Variants in JPH2 observed in about 807,000 individuals in gnomAD.
The protein encoded by JPH2 is junctophilin-2.
Under a neutral mutation model 55.9 loss-of-function variants are expected in JPH2, and 38 were observed. That is an observed-to-expected ratio of 0.68 (90% CI 0.52 to 0.89). The LOEUF (loss-of-function observed/expected upper bound fraction) is 0.89, where lower values mean the gene tolerates loss of function less well. Ranked by LOEUF, JPH2 falls within the 40% of genes least tolerant of loss-of-function variation. The pLI is 0.00. For missense variants in JPH2, 964 were observed against 1,037.6 expected, an observed-to-expected ratio of 0.93 and a Z score of 0.97; for synonymous variants, 480 against 472.4, an observed-to-expected ratio of 1.02 and a Z score of -0.21.
chr20:44,152,933 G>A (rs1051124926), intron 2 of JPH2, among the ~76,000 whole-genome samples: 2 of 152,252 alleles, frequency 1.3e-5, no homozygotes, highest in Non-Finnish European at 2.9e-5. Context: ...TCTGTTTTCA[G>A]AACTTGCTGT....
At chr20:44,162,708 C>G (rs1267072312) in intron 1 of JPH2, among the ~76,000 whole-genome samples, 2 of 141,562 alleles carry the variant, frequency 1.4e-5, no homozygotes, top group African/African-American at 5.3e-5. Flanking sequence ...TTGTGGGACC[C>G]TGTGATCGTG....
chr20:44,137,108 G>T (rs2072418266), intron 2 of JPH2, among the ~76,000 whole-genome samples: 2 of 152,188 alleles, frequency 1.3e-5, no homozygotes, highest in African/African-American at 4.8e-5. Context: ...CACATAGTAG[G>T]TACCCCATGA....
intron 1 of JPH2, among the ~76,000 whole-genome samples, chr20:44,185,227 A>T (rs1402904763): frequency 6.6e-6 from 1 of 152,320 alleles, no homozygotes; most frequent in East Asian, 1.9e-4. Context: ...GGATTGCTTG[A>T]GCCCAGGAGT....
intron 3 of JPH2, 103 bp from the exon 4 acceptor site, chr20:44,116,489 G>T: frequency 7.4e-7 from 1 of 1,354,676 alleles, no homozygotes; most frequent in Admixed American, 2.0e-5. Flanking sequence ...GGGCTCAGTC[G>T]GCACTCACAT....
chr20:44,174,469 C>A (rs1317996188), intron 1 of JPH2, among the ~76,000 whole-genome samples: 2 of 152,158 alleles, frequency 1.3e-5, no homozygotes, highest in South Asian at 2.1e-4. Flanking sequence ...GGAGGAAGCA[C>A]TTTTTAAAAA....
rs1202005011 is a variant in JPH2, at chr20:44,129,574, A to G, written c.1170-10951T>C. Among the ~76,000 whole-genome samples the G allele has an allele frequency of 2.6e-3, 245 of 92,602 alleles. 3 individuals carry two copies. Among genetic ancestry groups the G allele is most frequent in the African/African-American group, 8.0e-3 (231 of 28,880 alleles). The allele number at this position is 92,602 out of a possible 152,430, so 60.8% of individuals were successfully genotyped here. A position where few individuals can be genotyped will look rare whatever the true frequency, so the allele number is the denominator to read the frequency against. On this transcript the variant is annotated intron_variant, in intron 2 of 5. Coordinates refer to ENST00000372980, the MANE Select transcript of JPH2 (RefSeq NM_020433.5). ...TCTCAAAAAAAAAAAAAAAAACAAA[A>G]AAAACAAAACCATTGCTGCTTCCTG...
Position 44,114,565 on chromosome 20 carries a change from A to AGT in JPH2, c.*14+215_*14+216dup, listed in dbSNP as rs3037626. On this transcript the variant is annotated intron_variant, in intron 5 of 5. Transcript: ENST00000372980. ...CTGCAAACACTAAGCTAATGAAGTA[A>AGT]GTGTGTGTGTGTGTGTGTGTGTGTG... Among the ~76,000 whole-genome samples the AGT allele has an allele frequency of 0.039, 5,572 of 141,882 alleles. 123 individuals are homozygous for AGT. Among genetic ancestry groups the AGT allele is most frequent in the Middle Eastern group, 0.059 (16 of 270 alleles). The allele number at this position is 141,882 out of a possible 152,430, so 93.1% of individuals were successfully genotyped here.
intron 2 of JPH2, among the ~76,000 whole-genome samples, chr20:44,120,600 A>G (rs1416081314): frequency 6.6e-6 from 1 of 152,216 alleles, no homozygotes; most frequent in Non-Finnish European, 1.5e-5. Flanking sequence ...CCTGAAGTGC[A>G]GGAACTGGGA....
At position 44,148,939 on chromosome 20, in the gene JPH2, C is replaced by T. The variant is rs181985731; in HGVS notation, c.1169+10679G>A. The stretch of plus-strand genomic sequence containing the variant: ...ACAATTAGCTGGGTGTGGTGGTGAG[C>T]GCCCATAGTCCCAGCTACTCGGGAG... On this transcript the variant is annotated intron_variant, in intron 2 of 5. Coordinates refer to ENST00000372980, the MANE Select transcript of JPH2 (RefSeq NM_020433.5). Among the ~76,000 whole-genome samples the T allele has an allele frequency of 6.1e-4, 92 of 152,006 alleles. No homozygotes were observed. In the Middle Eastern group the frequency reaches 0.024, roughly 39 times the overall value.
intron 2 of JPH2, among the ~76,000 whole-genome samples, chr20:44,150,254 C>T (rs1309277538): frequency 6.6e-6 from 1 of 152,024 alleles, no homozygotes; most frequent in Admixed American, 6.6e-5. Context: ...CAGCTCCCAA[C>T]CTGAAAATAA....
chr20:44,180,425 G>A (rs982582471), intron 1 of JPH2, among the ~76,000 whole-genome samples: 4 of 151,702 alleles, frequency 2.6e-5, no homozygotes, highest in African/African-American at 9.7e-5. Flanking sequence ...TCGACCTCCC[G>A]GGCTCAAGCG....
chr20:44,155,541 C>T (rs780617941), intron 2 of JPH2, among the ~76,000 whole-genome samples: 1 of 152,204 alleles, frequency 6.6e-6, no homozygotes, highest in Non-Finnish European at 1.5e-5. Flanking sequence ...CCAGACCCTT[C>T]TCCCTCTTGA....
chr20:44,185,373 C>T (rs2072825944), intron 1 of JPH2, among the ~76,000 whole-genome samples: 1 of 151,798 alleles, frequency 6.6e-6, no homozygotes, highest in South Asian at 2.1e-4. Context: ...CCTGTAATCC[C>T]AGCAATTTGG....
chr20:44,135,760 C>G (rs937537908), intron 2 of JPH2, among the ~76,000 whole-genome samples: 2 of 152,126 alleles, frequency 1.3e-5, no homozygotes, highest in African/African-American at 4.8e-5. Flanking sequence ...GCTGGACGGA[C>G]CCTTAGAAAT....
intron 1 of JPH2, among the ~76,000 whole-genome samples, chr20:44,181,841 C>A (rs1215691091): frequency 6.6e-6 from 1 of 152,156 alleles, no homozygotes; most frequent in Non-Finnish European, 1.5e-5. Flanking sequence ...CCCTGTCTGT[C>A]CCTGCCTAGC....
chr20:44,180,977 C>A lies in JPH2; in HGVS notation c.379+5350G>T, dbSNP rs887139719. Reference sequence around the variant, plus strand: ...AACTCTTTCAGGGCTGGGGCATGTGCGGATGCTTTAAGTCAGCAGCTGTTT... The same window carrying A: ...AACTCTTTCAGGGCTGGGGCATGTGAGGATGCTTTAAGTCAGCAGCTGTTT... On this transcript the variant is annotated intron_variant, in intron 1 of 5. Coordinates refer to ENST00000372980, the MANE Select transcript of JPH2 (RefSeq NM_020433.5). 1.5e-4 allele frequency among the ~76,000 whole-genome samples: 23 copies of A among 151,738 alleles called. 1 individual carries two copies. In the East Asian group the frequency reaches 3.9e-3, roughly 26 times the overall value.
At chr20:44,142,812 T>C (rs1455154076) in intron 2 of JPH2, among the ~76,000 whole-genome samples, 2 of 152,202 alleles carry the variant, frequency 1.3e-5, no homozygotes, top group African/African-American at 2.4e-5. Flanking sequence ...TGTATGTATT[T>C]CAAGGCTGAA....
At chr20:44,126,026 T>C (rs1279324121) in intron 2 of JPH2, among the ~76,000 whole-genome samples, 1 of 151,168 alleles carries the variant, frequency 6.6e-6, no homozygotes, top group African/African-American at 2.4e-5. Context: ...CTTGGAAGGC[T>C]GAGGTGGGAG....
intron 1 of JPH2, among the ~76,000 whole-genome samples, chr20:44,176,566 C>T (rs1466098906): frequency 1.3e-5 from 2 of 152,032 alleles, no homozygotes; most frequent in Non-Finnish European, 2.9e-5. Flanking sequence ...ATTTGGGAAG[C>T]TGAGGCAGGA....
Sources: allele counts gnomAD v4.1 joint callset (sites outside exome capture counted in the v4.1 genomes callset), GRCh38; gene constraint gnomAD v4.1.1; transcripts MANE v1.5; gene names NCBI Gene and HGNC (gene_info 2026-07-23, HGNC 2026-07-21).